ACYP2: variants seen among roughly 807,000 people sequenced by gnomAD.
ACYP2 encodes the protein acylphosphatase-2.
In ACYP2, 12 loss-of-function variants were observed where a neutral mutation model predicts 11.2. The ratio of observed to expected loss-of-function variants is 1.08; its 90% confidence interval spans 0.69 to 1.74. The LOEUF is 1.74. Ranked by LOEUF, ACYP2 falls within the 40% of genes most tolerant of loss-of-function variation. ACYP2 has a pLI of 0.00. For missense variants in ACYP2, 134 were observed against 101.9 expected (o/e 1.31, Z -1.35); for synonymous variants, 43 against 32.2 (o/e 1.33, Z -1.13).
At chr2:54,117,218 C>G (rs1326268496) in intron 4 of ACYP2, among the ~76,000 whole-genome samples, 1 of 152,042 alleles carries the variant, frequency 6.6e-6, no homozygotes, top group African/African-American at 2.4e-5. Flanking sequence ...TATTAGAACA[C>G]TAGATGAAAA....
intron 6 of ACYP2, among the ~76,000 whole-genome samples, chr2:54,165,473 T>C (rs1447045321): frequency 6.6e-6 from 1 of 151,810 alleles, no homozygotes; most frequent in South Asian, 2.1e-4. Context: ...TCTCTCTCTT[T>C]CTCTGTGTGT....
chr2:54,255,637 T>G (rs775497090), intron 6 of ACYP2: 1 of 1,613,594 alleles, frequency 6.2e-7, no homozygotes, highest in Non-Finnish European at 8.5e-7. Flanking sequence ...TTCCGCCACG[T>G]CCATTTCTTC....
intron 6 of ACYP2, among the ~76,000 whole-genome samples, chr2:54,249,315 A>G (rs546106908): frequency 6.6e-6 from 1 of 152,174 alleles, no homozygotes; most frequent in South Asian, 2.1e-4. Context: ...GTCAGACTCT[A>G]ATTTGGAATA....
chr2:54,247,630 C>G (rs1271712347), intron 6 of ACYP2, among the ~76,000 whole-genome samples: 1 of 152,100 alleles, frequency 6.6e-6, no homozygotes, highest in Non-Finnish European at 1.5e-5. Context: ...TGCTATACTT[C>G]TGATTTTAGA....
At chr2:54,212,364 C>T (rs1685362878) in intron 6 of ACYP2, among the ~76,000 whole-genome samples, 1 of 152,118 alleles carries the variant, frequency 6.6e-6, no homozygotes, top group South Asian at 2.1e-4. Flanking sequence ...CATAGAATTT[C>T]TGCTTTTCAA....
intron 6 of ACYP2, among the ~76,000 whole-genome samples, chr2:54,296,663 G>A (rs1213073368): frequency 6.6e-6 from 1 of 151,870 alleles, no homozygotes; most frequent in Non-Finnish European, 1.5e-5. Flanking sequence ...CTTTATAACT[G>A]TTAAAGGCAA....
intron 2 of ACYP2, among the ~76,000 whole-genome samples, chr2:54,019,436 G>A (rs1673878868): frequency 6.6e-6 from 1 of 151,482 alleles, no homozygotes; most frequent in Non-Finnish European, 1.5e-5. Flanking sequence ...GAATGCAGTG[G>A]TGCAATCATG....
intron 6 of ACYP2, among the ~76,000 whole-genome samples, chr2:54,219,905 A>ATATATATATATT (rs1288814375): frequency 3.7e-4 from 28 of 75,984 alleles, no homozygotes; most frequent in Non-Finnish European, 6.1e-4. Context: ...ATATATATAT[A>ATATATATATATT]TTTTTTTTTT....
chr2:54,020,396 C>A (rs372151357), intron 2 of ACYP2, among the ~76,000 whole-genome samples: 1 of 152,040 alleles, frequency 6.6e-6, no homozygotes, highest in South Asian at 2.1e-4. Context: ...TTTAAAATGT[C>A]CTACCAGAGA....
chr2:54,076,998 A>G (rs1677375627), intron 4 of ACYP2, among the ~76,000 whole-genome samples: 1 of 129,910 alleles, frequency 7.7e-6, no homozygotes, highest in Non-Finnish European at 1.7e-5. Flanking sequence ...ATTGAATTTT[A>G]CTAAAAACAC....
At chr2:54,014,246 C>T (rs567058830) in intron 2 of ACYP2, among the ~76,000 whole-genome samples, 44 of 151,898 alleles carry the variant, frequency 2.9e-4, no homozygotes, top group Non-Finnish European at 4.7e-4. Context: ...TGTGGTTTTC[C>T]TTCCTCTTCA....
At chr2:54,036,990 G>A (rs568881428) in intron 2 of ACYP2, among the ~76,000 whole-genome samples, 4 of 152,282 alleles carry the variant, frequency 2.6e-5, no homozygotes, top group Admixed American at 6.5e-5. Context: ...AGAGTTGTGT[G>A]AAGTAATGTT....
intron 2 of ACYP2, among the ~76,000 whole-genome samples, chr2:53,995,929 T>G (rs962064659): frequency 6.6e-6 from 1 of 152,026 alleles, no homozygotes; most frequent in African/African-American, 2.4e-5. Context: ...AATCAGGAGT[T>G]TGACACCAGC....
intron 6 of ACYP2, among the ~76,000 whole-genome samples, chr2:54,149,097 A>G (rs910747721): frequency 2.0e-5 from 3 of 152,228 alleles, no homozygotes; most frequent in Non-Finnish European, 4.4e-5. Context: ...CAAAAAACAC[A>G]AAAATTAGCT....
At chr2:54,206,762 G>A (rs1007667493) in intron 6 of ACYP2, among the ~76,000 whole-genome samples, 2 of 152,168 alleles carry the variant, frequency 1.3e-5, no homozygotes, top group Non-Finnish European at 2.9e-5. Flanking sequence ...TGTAGGGGGT[G>A]CAATCTGTTT....
rs573480255 is a variant in ACYP2 at position 54,169,181 on chromosome 2, GT to G, written c.404+30436del. Among the ~76,000 whole-genome samples, 353 of 152,322 alleles carry G rather than the reference GT, an allele frequency of 2.3e-3. 2 individuals carry two copies. Among genetic ancestry groups the G allele is most frequent in the African/African-American group, 8.2e-3 (340 of 41,566 alleles). ...CTTTTTCTGATGACTCCAGTAGATAGTTTCAGCAGTGAATCTTCCAGGGCTA... is the reference window on the plus strand; with the variant it reads ...CTTTTTCTGATGACTCCAGTAGATAGTTCAGCAGTGAATCTTCCAGGGCTA... On this transcript the variant is annotated intron_variant, in intron 6 of 6. Coordinates refer to ENST00000607452, the MANE Select transcript of ACYP2 (RefSeq NM_001320586.2).
chr2:54,154,623 C>G (rs1437170519), intron 6 of ACYP2, among the ~76,000 whole-genome samples: 3 of 152,044 alleles, frequency 2.0e-5, no homozygotes, highest in Non-Finnish European at 4.4e-5. Flanking sequence ...GGGATAAATT[C>G]CACTTGATCA....
At chr2:54,272,372 G>C (rs1688347090) in intron 6 of ACYP2, among the ~76,000 whole-genome samples, 1 of 152,190 alleles carries the variant, frequency 6.6e-6, no homozygotes, top group Non-Finnish European at 1.5e-5. Context: ...GATCTATGAG[G>C]AACTAGGGAG....
chr2:54,195,279 C>G (rs1447287149), intron 6 of ACYP2, among the ~76,000 whole-genome samples: 2 of 152,184 alleles, frequency 1.3e-5, no homozygotes, highest in African/African-American at 2.4e-5. Context: ...CTCCGCAGAT[C>G]TTCTCAGATC....
Sources: gnomAD v4.1 joint callset for allele counts (sites outside exome capture counted in the v4.1 genomes callset) on GRCh38, gnomAD v4.1.1 for gene constraint, MANE v1.5 for transcripts, NCBI Gene and HGNC (gene_info 2026-07-23, HGNC 2026-07-21) for gene names.